The following FHL5 variants were observed in gnomAD, a reference collection of about 807,000 sequenced individuals.
FHL5 encodes four and a half LIM domains protein 5.
A neutral mutation model predicts 32.0 loss-of-function variants in FHL5; 33 were observed. The observed-to-expected ratio is 1.03, with a 90% CI of 0.78 to 1.38. The LOEUF is 1.38. Among genes scored for constraint, FHL5 ranks in the 40% most tolerant of loss-of-function variants. The pLI is 0.00. For missense variants in FHL5, 336 were observed against 343.9 expected (o/e 0.98, Z 0.18); for synonymous variants, 114 against 113.6 (o/e 1.00, Z -0.02).
intron 5 of FHL5, among the ~76,000 whole-genome samples, chr6:96,611,530 G>A (rs936709595): frequency 6.6e-6 from 1 of 152,142 alleles, no homozygotes; most frequent in Non-Finnish European, 1.5e-5. Context: ...GAGAAACTCA[G>A]CAGCTATTCT....
intron 1 of FHL5, among the ~76,000 whole-genome samples, chr6:96,593,514 G>A (rs1441722289): frequency 6.6e-6 from 1 of 151,988 alleles, no homozygotes; most frequent in East Asian, 1.9e-4. Flanking sequence ...TCAAAGCTGG[G>A]CTTCCATCTC....
Position 96,573,593 on chromosome 6 carries a change from C to T in FHL5, c.-13+10238C>T, listed in dbSNP as rs182267962. 2.8e-3 allele frequency among the ~76,000 whole-genome samples: 399 copies of T among 142,300 alleles called. 12 individuals carry two copies. The highest frequency in any genetic ancestry group is 0.025 in the Admixed American group (341 of 13,760). The allele number at this position is 142,300 out of a possible 152,430, so 93.4% of individuals were successfully genotyped here. A position where few individuals can be genotyped will look rare whatever the true frequency, so the allele number is the denominator to read the frequency against. On this transcript the variant is annotated intron_variant, in intron 1 of 5. Transcript: ENST00000450218. ...CTGGAGTGCAGTGGCGCAATCTCGG[C>T]TCACTGCAAGCTCCACCTCCCGGGT...
chr6:96,605,968 G>T lies in FHL5; in HGVS notation c.401G>T (p.Arg134Leu), dbSNP rs149527154. ...ACCTGTTTTGTGTGTGAGAATTGCC[G>T]ACAACCTATAGGGACAAAGCCTTTG... ...HETCFVCENC[R>L]QPIGTKPLIS... Residue 134 changes from arginine (R) to leucine (L), a missense_variant, in exon 4 of 6, where the codon CGA becomes CTA. By Grantham distance (102) the Arg-to-Leu change is moderately radical. Coordinates refer to ENST00000450218, the MANE Select transcript of FHL5 (RefSeq NM_001322466.2). 28 of 1,613,908 alleles carry T rather than the reference G, an allele frequency of 1.7e-5. No individual in the cohort carries two copies. Among genetic ancestry groups the T allele is most frequent in the Non-Finnish European group, 2.4e-5 (28 of 1,179,948 alleles).
chr6:96,591,302 A>C (rs998650445), intron 1 of FHL5, among the ~76,000 whole-genome samples: 32 of 152,112 alleles, frequency 2.1e-4, no homozygotes, highest in South Asian at 8.3e-4. Flanking sequence ...TAATAGTTTT[A>C]TTTATTTTAG....
At chr6:96,579,143 A>G (rs1205290110) in intron 1 of FHL5, among the ~76,000 whole-genome samples, 2 of 152,272 alleles carry the variant, frequency 1.3e-5, no homozygotes, top group Non-Finnish European at 2.9e-5. Context: ...GAAATAGGCA[A>G]CTCATTCATT....
intron 1 of FHL5, among the ~76,000 whole-genome samples, chr6:96,601,390 C>T (rs931589247): frequency 6.6e-6 from 1 of 152,108 alleles, no homozygotes; most frequent in Admixed American, 6.5e-5. Context: ...AAGGCATTTT[C>T]TGTGGATCCA....
At chr6:96,593,718 G>A (rs1442067634) in intron 1 of FHL5, among the ~76,000 whole-genome samples, 1 of 152,058 alleles carries the variant, frequency 6.6e-6, no homozygotes, top group Non-Finnish European at 1.5e-5. Flanking sequence ...CTTTTTGGAT[G>A]TACATATTCT....
In FHL5 at chr6:96,577,238, C is replaced by T. The variant is rs529280924; in HGVS notation, c.-13+13883C>T. ...TTATTGATTAGTGTTATCACCAAAG[C>T]ACAGGATACAGCTTTGCCTTGTACC... On this transcript the variant is annotated intron_variant, in intron 1 of 5. Coordinates refer to ENST00000450218, the MANE Select transcript of FHL5 (RefSeq NM_001322466.2). 6.6e-5 allele frequency among the ~76,000 whole-genome samples: 10 copies of T among 152,302 alleles called. No individual in the cohort carries two copies. In the South Asian group the frequency reaches 2.1e-3, roughly 32 times the overall value.
chr6:96,594,601 G>C (rs751266929), intron 1 of FHL5, among the ~76,000 whole-genome samples: 1 of 151,926 alleles, frequency 6.6e-6, no homozygotes, highest in African/African-American at 2.4e-5. Context: ...GATGTTGACA[G>C]TTACTTTTGG....
At position 96,604,773 on chromosome 6, in the gene FHL5, C is replaced by G. The variant is rs773712999; in HGVS notation, c.183C>G (p.His61Gln). 11 of 1,612,294 alleles carry G rather than the reference C, an allele frequency of 6.8e-6. No homozygotes were observed. In the East Asian group the frequency reaches 2.5e-4, roughly 36 times the overall value. Residue 61 changes from histidine to glutamine, a missense_variant, in exon 3 of 6, where the codon CAC becomes CAG. Transcript: ENST00000450218. ...AGGATCTTTGTTACAAAGACCGGCA[C>G]TGGCATGAAGGATGCTTCAAGTGCA... ...DSKDLCYKDR[H>Q]WHEGCFKCTK...
rs1203773990 is a variant in FHL5, at chr6:96,563,952, T to C, written c.-13+597T>C. On this transcript the variant is annotated intron_variant, in intron 1 of 5. Coordinates refer to ENST00000450218, the MANE Select transcript of FHL5 (RefSeq NM_001322466.2). ...GTTTCCAGCCCACAGAAATATATAA[T>C]AGACTATATCAATCTAAAGTGCTAC... Among the ~76,000 whole-genome samples, 5 of 152,174 alleles carry C rather than the reference T, an allele frequency of 3.3e-5. No homozygotes were observed. The East Asian group carries it at 9.6e-4, about 29-fold the overall frequency.
chr6:96,574,854 C>A (rs1275543297), intron 1 of FHL5, among the ~76,000 whole-genome samples: 1 of 151,816 alleles, frequency 6.6e-6, no homozygotes, highest in Non-Finnish European at 1.5e-5. Flanking sequence ...ACTTAGATAC[C>A]AAATGATCTG....
chr6:96,603,542 T>A (rs896623534), intron 1 of FHL5, 60 bp from the exon 2 acceptor site: 1 of 1,229,450 alleles, frequency 8.1e-7, no homozygotes, highest in East Asian at 2.4e-5. Flanking sequence ...TAAGGTTTCA[T>A]CATTTATCCT....
At chr6:96,577,101 A>G (rs1770599014) in intron 1 of FHL5, among the ~76,000 whole-genome samples, 1 of 152,202 alleles carries the variant, frequency 6.6e-6, no homozygotes, top group Admixed American at 6.5e-5. Context: ...GAGAGGGAAA[A>G]CAGATAAAAA....
chr6:96,574,140 C>T (rs112750909), intron 1 of FHL5, among the ~76,000 whole-genome samples: 11 of 152,136 alleles, frequency 7.2e-5, no homozygotes, highest in East Asian at 5.8e-4. Context: ...AATACTCTTC[C>T]GAATACCATG....
At chr6:96,614,102 C>T (rs754615137) in intron 5 of FHL5, among the ~76,000 whole-genome samples, 1 of 152,130 alleles carries the variant, frequency 6.6e-6, no homozygotes, top group Non-Finnish European at 1.5e-5. Context: ...TTGGTTCAGC[C>T]CTTTCTTAAA....
chr6:96,598,376 G>A (rs2127970131), intron 1 of FHL5, among the ~76,000 whole-genome samples: 1 of 152,276 alleles, frequency 6.6e-6, no homozygotes, highest in African/African-American at 2.4e-5. Flanking sequence ...ACTGTAAGAG[G>A]ATCCAGGAAA....
At chr6:96,595,450 G>T (rs1771016726) in intron 1 of FHL5, among the ~76,000 whole-genome samples, 1 of 151,282 alleles carries the variant, frequency 6.6e-6, no homozygotes, top group East Asian at 1.9e-4. Flanking sequence ...CCTGAAATTT[G>T]TTTTACTTTC....
intron 1 of FHL5, among the ~76,000 whole-genome samples, chr6:96,601,333 C>CA (rs1276497954): frequency 3.9e-5 from 6 of 152,052 alleles, no homozygotes; most frequent in African/African-American, 9.7e-5. Context: ...GACTCTGTCT[C>CA]AAAAAACAAA....
Sources: allele counts gnomAD v4.1 joint callset (sites outside exome capture counted in the v4.1 genomes callset), GRCh38; gene constraint gnomAD v4.1.1; transcripts MANE v1.5; gene names NCBI Gene and HGNC (gene_info 2026-07-23, HGNC 2026-07-21).